CBLB: variants seen among roughly 807,000 people sequenced by gnomAD.
CBLB encodes Cbl proto-oncogene B.
In CBLB, 31 loss-of-function variants were observed where a neutral mutation model predicts 104.9. The ratio of observed to expected loss-of-function variants is 0.30; its 90% CI spans 0.22 to 0.40. The LOEUF is 0.40. Among genes scored for constraint, CBLB ranks in the 10% least tolerant of loss-of-function variants. CBLB has a pLI of 1.00. For missense variants in CBLB, 1,062 were observed against 1,214.6 expected (o/e 0.87, Z 1.87); for synonymous variants, 440 against 422.6 (o/e 1.04, Z -0.51).
At chr3:105,768,362 A>G (rs540619225) in intron 4 of CBLB, among the ~76,000 whole-genome samples, 2 of 152,334 alleles carry the variant, frequency 1.3e-5, no homozygotes, top group East Asian at 1.9e-4. Flanking sequence ...ATAGAAACCT[A>G]TAATTGCTGA....
At chr3:105,735,778 T>A (rs1044988645) in intron 8 of CBLB, among the ~76,000 whole-genome samples, 1 of 152,056 alleles carries the variant, frequency 6.6e-6, no homozygotes, top group African/African-American at 2.4e-5. Context: ...AAACCCCATC[T>A]CTACTAAAAA....
chr3:105,698,821 T>TCC (rs2068725796), intron 12 of CBLB, among the ~76,000 whole-genome samples: 1 of 152,006 alleles, frequency 6.6e-6, no homozygotes, highest in Non-Finnish European at 1.5e-5. Flanking sequence ...TCAAAATATC[T>TCC]CCCCTTTCTC....
chr3:105,659,292 C>T, intron 18 of CBLB, 63 bp from the exon 19 acceptor site: 4 of 1,383,936 alleles, frequency 2.9e-6, no homozygotes, highest in Non-Finnish European at 4.1e-6. Flanking sequence ...GGCAAGATAA[C>T]ATAACAGCAT....
intron 3 of CBLB, among the ~76,000 whole-genome samples, chr3:105,787,598 A>C (rs1228189636): frequency 6.6e-6 from 1 of 152,224 alleles, no homozygotes; most frequent in African/African-American, 2.4e-5. Flanking sequence ...TTCACAACTT[A>C]CAGCTAACAT....
intron 9 of CBLB, among the ~76,000 whole-genome samples, chr3:105,723,541 TGTAA>T (rs2152834184): frequency 1.3e-5 from 2 of 152,294 alleles, no homozygotes; most frequent in South Asian, 4.1e-4. Context: ...CCATTAATAC[TGTAA>T]GTCAGTGACA....
intron 9 of CBLB, among the ~76,000 whole-genome samples, chr3:105,728,792 GA>G (rs1418787024): frequency 6.6e-6 from 1 of 152,080 alleles, no homozygotes. Context: ...AGATGTTTCA[GA>G]AAGAGAAAAA....
At chr3:105,766,534 T>TGATC (rs757901561) in intron 4 of CBLB, among the ~76,000 whole-genome samples, 1 of 152,344 alleles carries the variant, frequency 6.6e-6, no homozygotes, top group East Asian at 1.9e-4. Flanking sequence ...TTTCAGCATA[T>TGATC]GATCAGTCAA....
chr3:105,816,239 ATCT>A (rs2085039880), intron 3 of CBLB, among the ~76,000 whole-genome samples: 1 of 152,118 alleles, frequency 6.6e-6, no homozygotes, highest in African/African-American at 2.4e-5. Context: ...ATGTCATCTG[ATCT>A]TGTTTTTCTC....
rs182484812 is a variant in CBLB at position 105,770,113 on chromosome 3, G to A, written c.566+6283C>T. On this transcript the variant is annotated intron_variant, in intron 4 of 18. Coordinates refer to ENST00000394030, the MANE Select transcript of CBLB (RefSeq NM_170662.5). The stretch of plus-strand genomic sequence containing the variant: ...TTTTTTTTTTCAAGATGGCAGACTG[G>A]AGGCAGTGTCAGCATGCTTCTCCCA... Among the ~76,000 whole-genome samples the A allele has an allele frequency of 2.3e-3, 349 of 151,758 alleles. 2 individuals are homozygous for A. The highest frequency in any genetic ancestry group is 8.2e-3 in the African/African-American group (339 of 41,356).
chr3:105,786,630 CTT>C (rs2081062612), intron 3 of CBLB, among the ~76,000 whole-genome samples: 2 of 152,140 alleles, frequency 1.3e-5, no homozygotes, highest in African/African-American at 2.4e-5. Flanking sequence ...AATTTCATAT[CTT>C]TAAAATAAAA....
chr3:105,862,313 A>C (rs916024439), intron 2 of CBLB, among the ~76,000 whole-genome samples: 1 of 152,186 alleles, frequency 6.6e-6, no homozygotes, highest in African/African-American at 2.4e-5. Flanking sequence ...ATGGCCAAAA[A>C]CTAACCCGCA....
intron 3 of CBLB, among the ~76,000 whole-genome samples, chr3:105,845,915 A>G: frequency 6.6e-6 from 1 of 152,106 alleles, no homozygotes; most frequent in East Asian, 1.9e-4. Context: ...AATCAATCTC[A>G]GAAGATTTTT....
At chr3:105,730,065 GA>G (rs2074142926) in intron 9 of CBLB, among the ~76,000 whole-genome samples, 1 of 151,826 alleles carries the variant, frequency 6.6e-6, no homozygotes. Context: ...TATCAATTTA[GA>G]ATTATTGACC....
Position 105,679,335 on chromosome 3 carries a change from T to TAAAAAAAA in CBLB, c.2429-765_2429-764insTTTTTTTT, listed in dbSNP as rs1559790254. Among the ~76,000 whole-genome samples the TAAAAAAAA allele has an allele frequency of 2.7e-5, 2 of 75,134 alleles. 1 individual carries two copies. The highest frequency in any genetic ancestry group is 1.1e-4 in the African/African-American group (2 of 18,554). 49.3% of individuals were successfully genotyped at this position (75,134 alleles called of 152,430 possible). A position where few individuals can be genotyped will look rare whatever the true frequency, so the allele number is the denominator to read the frequency against. On this transcript the variant is annotated intron_variant, in intron 16 of 18. Coordinates refer to ENST00000394030, the MANE Select transcript of CBLB (RefSeq NM_170662.5). ...TCATAGTTTTCATTACCTTGAGTCT[T>TAAAAAAAA]TAAAAAAAAAAAAAAAAAAAAAAAA...
chr3:105,770,578 G>A (rs769343241), intron 4 of CBLB, among the ~76,000 whole-genome samples: 5 of 152,142 alleles, frequency 3.3e-5, no homozygotes, highest in Non-Finnish European at 7.4e-5. Flanking sequence ...ATCTCGAGTG[G>A]AACAAATTCC....
chr3:105,715,947 A>G (rs983189974), intron 10 of CBLB, among the ~76,000 whole-genome samples: 1 of 152,146 alleles, frequency 6.6e-6, no homozygotes, highest in Non-Finnish European at 1.5e-5. Flanking sequence ...GCTGAGACAG[A>G]AAAATCACTT....
chr3:105,763,721 C>T (rs543121504), intron 4 of CBLB, among the ~76,000 whole-genome samples: 1 of 152,288 alleles, frequency 6.6e-6, no homozygotes, highest in South Asian at 2.1e-4. Context: ...ACTTTCTCTA[C>T]CAGCAGAACA....
intron 10 of CBLB, among the ~76,000 whole-genome samples, chr3:105,716,802 A>T (rs903119594): frequency 3.3e-5 from 5 of 152,224 alleles, no homozygotes; most frequent in Admixed American, 1.3e-4. Flanking sequence ...TGACTGCCAA[A>T]TAAGCTACTG....
At chr3:105,814,083 A>T (rs953654409) in intron 3 of CBLB, among the ~76,000 whole-genome samples, 23 of 152,088 alleles carry the variant, frequency 1.5e-4, no homozygotes, top group African/African-American at 5.3e-4. Flanking sequence ...ATGAAAATTT[A>T]AAAAAAGATC....
Sources: gnomAD v4.1 joint callset for allele counts (sites outside exome capture counted in the v4.1 genomes callset) on GRCh38, gnomAD v4.1.1 for gene constraint, MANE v1.5 for transcripts, NCBI Gene and HGNC (gene_info 2026-07-23, HGNC 2026-07-21) for gene names.